The following MAP2K2 variants were observed in gnomAD, a reference collection of about 807,000 sequenced individuals.
MAP2K2 encodes dual specificity mitogen-activated protein kinase kinase 2.
In MAP2K2, 24 loss-of-function variants were observed where a neutral mutation model predicts 43.7. That is an observed-to-expected ratio of 0.55 (90% confidence interval 0.40 to 0.77). The LOEUF (loss-of-function observed/expected upper bound fraction) is 0.77, where lower values mean the gene tolerates loss of function less well. Among genes scored for constraint, MAP2K2 ranks in the 30% least tolerant of loss-of-function variants. MAP2K2 has a pLI of 0.00. For synonymous variants in MAP2K2, 244 were observed against 239.7 expected (o/e 1.02, Z -0.17); for missense variants, 470 against 566.8 (o/e 0.83, Z 1.73).
chr19:4,095,527 C>G, intron 8 of MAP2K2, 78 bp from the exon 9 acceptor site: 2 of 1,245,860 alleles, frequency 1.6e-6, no homozygotes, highest in Non-Finnish European at 2.3e-6. Context: ...CTACCCCTCA[C>G]TGTCCTGTCC....
intron 1 of MAP2K2, 85 bp downstream of exon 1, chr19:4,123,699 G>T: frequency 3.7e-6 from 3 of 806,836 alleles, no homozygotes; most frequent in Non-Finnish European, 5.1e-6. Context: ...CACTCCTCGC[G>T]AACCCCCGTC....
chr19:4,114,854 T>C (rs376349463), intron 2 of MAP2K2, among the ~76,000 whole-genome samples: 160 of 152,218 alleles, frequency 1.1e-3, no homozygotes, highest in Admixed American at 1.4e-3. Flanking sequence ...CGCTTGAACC[T>C]GTGAGGTGGA....
In MAP2K2 at chr19:4,115,457, G is replaced by A. The variant is rs2041208620; in HGVS notation, c.303+1962C>T. 6.6e-6 allele frequency among the ~76,000 whole-genome samples: 1 copy of A among 152,198 alleles called. No individual in the cohort carries two copies. Among genetic ancestry groups the A allele is most frequent in the Admixed American group, 6.5e-5 (1 of 15,286 alleles). The stretch of plus-strand genomic sequence containing the variant: ...CCTGAGGGTCCCTGGCACACACGAG[G>A]ACTGGCACTGTCTCAAGGCCCTGCT... On this transcript the variant is annotated intron_variant, in intron 2 of 10. Coordinates refer to ENST00000262948, the MANE Select transcript of MAP2K2 (RefSeq NM_030662.4). This position sits in a 1 kb window ranked among gnomAD's most constrained non-coding sequence, Gnocchi z 4.1.
chr19:4,101,271 C>A lies in MAP2K2; in HGVS notation c.538G>T (p.Gly180Cys), dbSNP rs1336312423. The part of the protein sequence containing the change: ...LGKVSIAVLR[G>C]LAYLREKHQI... ...TGCTTCTCTCGGAGGTACGCCAAGC[C>A]CCGGAGAACCTGCAGGGGAGCGCGG... The change falls in exon 5 of 11, where the codon GGC becomes TGC. Residue 180 changes from glycine (G) to cysteine (C), a missense_variant. Physicochemically the swap from Gly to Cys is radical, Grantham distance 159. Coordinates refer to ENST00000262948, the MANE Select transcript of MAP2K2 (RefSeq NM_030662.4). The surrounding 1 kb of genome is among the most constrained non-coding windows in gnomAD (Gnocchi z 6.3). 1 of 1,582,114 alleles carries A rather than the reference C, an allele frequency of 6.3e-7. No individual in the cohort carries two copies. Among genetic ancestry groups the A allele is most frequent in the Admixed American group, 1.8e-5 (1 of 54,646 alleles).
chr19:4,108,978 C>T (rs1451585192), intron 3 of MAP2K2, among the ~76,000 whole-genome samples: 1 of 152,220 alleles, frequency 6.6e-6, no homozygotes, highest in Non-Finnish European at 1.5e-5. Context: ...GACGCCAGGT[C>T]TCCCTCGCAG....
chr19:4,123,766 T>G lies in MAP2K2; in HGVS notation c.92+18A>C, dbSNP rs776237125. The G allele has an allele frequency of 6.6e-7, 1 of 1,524,758 alleles. No homozygotes were observed. The highest frequency in any genetic ancestry group is 8.8e-7 in the Non-Finnish European group (1 of 1,137,374). The allele number at this position is 1,524,758 out of a possible 1,614,324, so 94.5% of individuals were successfully genotyped here. A position where few individuals can be genotyped will look rare whatever the true frequency, so the allele number is the denominator to read the frequency against. ...GCCCCGTGCACCCCAAGCCTCCGGCTGACCCCTGCCCACTCACTCGGAGGC... is the reference window on the plus strand; with the variant it reads ...GCCCCGTGCACCCCAAGCCTCCGGCGGACCCCTGCCCACTCACTCGGAGGC... On this transcript the variant is annotated intron_variant, in intron 1 of 10. Coordinates refer to ENST00000262948, the MANE Select transcript of MAP2K2 (RefSeq NM_030662.4).
chr19:4,116,923 C>T (rs912397893), intron 2 of MAP2K2, among the ~76,000 whole-genome samples: 6 of 152,020 alleles, frequency 3.9e-5, no homozygotes, highest in African/African-American at 1.2e-4. Context: ...AGCAAGACCC[C>T]GTCTCAAAAA....
At chr19:4,109,118 C>T (rs1332131498) in intron 3 of MAP2K2, among the ~76,000 whole-genome samples, 2 of 152,190 alleles carry the variant, frequency 1.3e-5, no homozygotes, top group Non-Finnish European at 2.9e-5. Flanking sequence ...CAGGGTGTCA[C>T]CCAAGCATTC....
Position 4,121,502 on chromosome 19 carries a change from T to A in MAP2K2, c.92+2282A>T, listed in dbSNP as rs367615317. Among the ~76,000 whole-genome samples, 19 of 148,682 alleles carry A rather than the reference T, an allele frequency of 1.3e-4. No individual in the cohort carries two copies. The East Asian group carries it at 3.6e-3, about 28-fold the overall frequency. On this transcript the variant is annotated intron_variant, in intron 1 of 10. Coordinates refer to ENST00000262948, the MANE Select transcript of MAP2K2 (RefSeq NM_030662.4). ...ACATCTTGACCTCCCTGGGACCCCA[T>A]CCTGACCCCCTCAGAACCCCAACAT...
intron 1 of MAP2K2, among the ~76,000 whole-genome samples, chr19:4,121,410 C>T (rs932267194): frequency 2.7e-4 from 41 of 151,602 alleles, no homozygotes; most frequent in African/African-American, 7.8e-4. Context: ...ACACTTCCAG[C>T]TTCAGGGACT....
chr19:4,107,200 A>C (rs1361286132), intron 3 of MAP2K2, among the ~76,000 whole-genome samples: 3 of 150,270 alleles, frequency 2.0e-5, no homozygotes, highest in Non-Finnish European at 4.4e-5. Flanking sequence ...GTTCAAGATT[A>C]GCCTGGGAAA....
chr19:4,093,873 G>C (rs374406054), intron 10 of MAP2K2, among the ~76,000 whole-genome samples: 21 of 152,276 alleles, frequency 1.4e-4, no homozygotes, highest in African/African-American at 4.6e-4. Flanking sequence ...CGGTGGCTGT[G>C]GTATGGGAAA....
intron 3 of MAP2K2, among the ~76,000 whole-genome samples, chr19:4,107,183 C>T (rs770988407): frequency 1.3e-5 from 2 of 152,024 alleles, no homozygotes; most frequent in African/African-American, 4.8e-5. Flanking sequence ...ATCGTTTGAG[C>T]CCAGGAGTTC....
chr19:4,096,547 C>T (rs796292984), intron 8 of MAP2K2, among the ~76,000 whole-genome samples: 8 of 152,160 alleles, frequency 5.3e-5, no homozygotes, highest in African/African-American at 7.2e-5. Flanking sequence ...CTCATCTGGG[C>T]GGTGGAAACC....
In MAP2K2 at chr19:4,101,153, G is replaced by A. The variant is rs200400944; in HGVS notation, c.581-10C>T. 1.8e-4 allele frequency: 291 copies of A among 1,606,448 alleles called. No homozygotes were observed. The highest frequency in any genetic ancestry group is 1.6e-5 in the Non-Finnish European group (19 of 1,176,718). ...TTGGAGGGCTTCACATCTGGAGGCG[G>A]CAGGCTGCGGGTGAGGGGCGCCCAA... On this transcript the variant is annotated splice_polypyrimidine_tract_variant and intron_variant, in intron 5 of 10. Transcript: ENST00000262948. This position sits in a 1 kb window ranked among gnomAD's most constrained non-coding sequence, Gnocchi z 6.3.
intron 2 of MAP2K2, among the ~76,000 whole-genome samples, chr19:4,111,544 G>C (rs779213034): frequency 5.3e-5 from 8 of 152,126 alleles, no homozygotes; most frequent in Non-Finnish European, 1.2e-4. Context: ...AGAGCCGCGG[G>C]CGCCCCTGAG....
intron 2 of MAP2K2, among the ~76,000 whole-genome samples, chr19:4,113,314 T>G (rs7258541): frequency 0.044 from 6,757 of 152,226 alleles, 503 homozygotes; most frequent in African/African-American, 0.15. Flanking sequence ...CGGCGTGATC[T>G]CAGTTTTAAT....
In MAP2K2 at chr19:4,115,284, G is replaced by A. The variant is rs568668069; in HGVS notation, c.303+2135C>T. 8.5e-5 allele frequency among the ~76,000 whole-genome samples: 13 copies of A among 152,204 alleles called. No homozygotes were observed. The highest frequency in any genetic ancestry group is 1.2e-4 in the African/African-American group (5 of 41,544). ...GCCTGCCCTCAGGTTCAAAGGCCCC[G>A]ATCTCCCTTTCCCCGCTACAGTAAA... On this transcript the variant is annotated intron_variant, in intron 2 of 10. Transcript: ENST00000262948. This position sits in a 1 kb window ranked among gnomAD's most constrained non-coding sequence, Gnocchi z 4.1.
intron 2 of MAP2K2, among the ~76,000 whole-genome samples, chr19:4,112,357 G>A (rs191121291): frequency 6.6e-6 from 1 of 152,332 alleles, no homozygotes; most frequent in African/African-American, 2.4e-5. Context: ...GTGACACTGG[G>A]GCCGGGCCTT....
Sources: allele counts gnomAD v4.1 joint callset (sites outside exome capture counted in the v4.1 genomes callset), GRCh38; gene constraint gnomAD v4.1.1; non-coding constraint Gnocchi (gnomAD v3.1); transcripts MANE v1.5; gene names NCBI Gene and HGNC (gene_info 2026-07-23, HGNC 2026-07-21).